The following DCLRE1C variants were observed in gnomAD, a reference collection of about 807,000 sequenced individuals.
The protein encoded by DCLRE1C is DNA cross-link repair 1C, also known as protein artemis.
A neutral mutation model predicts 61.4 loss-of-function variants in DCLRE1C; 47 were observed. The observed-to-expected ratio is 0.77, with a 90% CI of 0.61 to 0.98. DCLRE1C has a LOEUF of 0.98. DCLRE1C is among the 50% of genes least tolerant of loss of function. DCLRE1C has a pLI of 0.00. For missense variants in DCLRE1C, 858 were observed against 816.0 expected (o/e 1.05, Z -0.63); for synonymous variants, 337 against 287.6 (o/e 1.17, Z -1.74).
rs1469742135 is a variant in DCLRE1C, at chr10:14,945,112, T to G, written c.239A>C (p.Lys80Thr). Residue 80 changes from lysine (K) to threonine (T), a missense_variant, in exon 3 of 14, where the codon AAA (lysine) becomes ACA (threonine). Physicochemically the swap from Lys to Thr is moderately conservative, Grantham distance 78. Transcript: ENST00000378278. The part of the protein sequence containing the change: ...LTSPKYRFWK[K>T]RIISIEIETP... Reference sequence around the variant, plus strand: ...TAAAAAAATAAAACTTACAATTCGTTTCTTCCAAAATCTGTATTTCGGGCT... The same window carrying G: ...TAAAAAAATAAAACTTACAATTCGTGTCTTCCAAAATCTGTATTTCGGGCT... The G allele has an allele frequency of 6.2e-7, 1 of 1,611,448 alleles. No homozygotes were observed. The highest frequency in any genetic ancestry group is 8.5e-7 in the Non-Finnish European group (1 of 1,178,676).
intron 11 of DCLRE1C, among the ~76,000 whole-genome samples, chr10:14,925,694 A>G (rs1342925683): frequency 6.6e-6 from 1 of 152,246 alleles, no homozygotes; most frequent in Non-Finnish European, 1.5e-5. Context: ...AAGCCACGTT[A>G]CAGTCCTCCC....
intron 12 of DCLRE1C, 62 bp from the exon 13 acceptor site, chr10:14,919,894 T>C: frequency 4.6e-6 from 6 of 1,304,076 alleles, no homozygotes; most frequent in Non-Finnish European, 6.7e-6. Context: ...GTAGACATCA[T>C]TGATAGTATT....
chr10:14,926,657 CAAAAAAA>C (rs74328549), intron 11 of DCLRE1C, among the ~76,000 whole-genome samples, 179 bp downstream of exon 11: 1 of 64,348 alleles, frequency 1.6e-5, no homozygotes, highest in Non-Finnish European at 2.9e-5. Flanking sequence ...CTGTCTCAAC[CAAAAAAA>C]AAAAAAAAAA....
At chr10:14,897,745 T>G (rs1391798947) in exon 14 of DCLRE1C, 3 of 315,998 alleles carry the variant, frequency 9.5e-6, no homozygotes, top group African/African-American at 2.1e-5. Flanking sequence ...TAGTCATCTT[T>G]CAACAAATAC....
intron 13 of DCLRE1C, among the ~76,000 whole-genome samples, chr10:14,911,645 C>T (rs1002702853): frequency 6.6e-5 from 10 of 152,104 alleles, no homozygotes; most frequent in Admixed American, 1.3e-4. Flanking sequence ...AAAACCTTTA[C>T]GCTTCAAGAC....
intron 5 of DCLRE1C, among the ~76,000 whole-genome samples, chr10:14,935,773 A>G (rs1309386884): frequency 6.6e-6 from 1 of 152,212 alleles, no homozygotes; most frequent in African/African-American, 2.4e-5. Flanking sequence ...GATGCTACCC[A>G]GTTTGTAATA....
chr10:14,926,469 T>A (rs973498457), intron 11 of DCLRE1C, among the ~76,000 whole-genome samples: 1 of 152,002 alleles, frequency 6.6e-6, no homozygotes, highest in East Asian at 1.9e-4. Context: ...CTGGCCAATG[T>A]GGTAAAACCC....
intron 8 of DCLRE1C, 59 bp downstream of exon 8, chr10:14,934,321 C>T: frequency 1.9e-6 from 3 of 1,578,386 alleles, no homozygotes; most frequent in South Asian, 2.3e-5. Context: ...TAGCAAGACT[C>T]CCTCTCAAAA....
intron 10 of DCLRE1C, among the ~76,000 whole-genome samples, chr10:14,927,808 C>T (rs1442155532): frequency 6.6e-6 from 1 of 152,190 alleles, no homozygotes; most frequent in Non-Finnish European, 1.5e-5. Flanking sequence ...TCAACCTACC[C>T]AGAGGGAACC....
chr10:14,954,057 C>G lies in DCLRE1C; in HGVS notation c.-47G>C, dbSNP rs779470593. On this transcript the variant is annotated 5_prime_UTR_variant, in exon 1 of 14. Transcript: ENST00000378278. ...CGGGACCCCAAAACCGCAGCTGAAG[C>G]CAAGGCCAGCCCTGACCGCGCCGCC... 1 of 1,611,068 alleles carries G rather than the reference C, an allele frequency of 6.2e-7. No homozygotes were observed. Among genetic ancestry groups the G allele is most frequent in the Admixed American group, 1.7e-5 (1 of 59,884 alleles).
chr10:14,941,065 A>G (rs1217215971), intron 3 of DCLRE1C, among the ~76,000 whole-genome samples: 3 of 152,084 alleles, frequency 2.0e-5, no homozygotes, highest in Admixed American at 6.5e-5. Flanking sequence ...TGTAGCAGAG[A>G]TGGGGTTTCA....
Position 14,908,723 on chromosome 10 carries a change from G to C in DCLRE1C, c.1764C>G (p.Ala588=). Residue 588 remains alanine (A), a synonymous_variant, in exon 14 of 14, where the codon GCC becomes GCG. Coordinates refer to ENST00000378278, the MANE Select transcript of DCLRE1C (RefSeq NM_001033855.3). ...AAATTACATTTTGTTCCATGAGAGAGGCAGGAATATTCTCTTTGATTGTTG... is the reference window on the plus strand; with the variant it reads ...AAATTACATTTTGTTCCATGAGAGACGCAGGAATATTCTCTTTGATTGTTG... ...YRPTIKENIP[A]SLMEQNVICP... The C allele has an allele frequency of 6.2e-7, 1 of 1,614,194 alleles. No homozygotes were observed. Among genetic ancestry groups the C allele is most frequent in the Non-Finnish European group, 8.5e-7 (1 of 1,180,038 alleles).
At position 14,933,179 on chromosome 10, in the gene DCLRE1C, T is replaced by C. The variant is rs190799169; in HGVS notation, c.679-224A>G. Among the ~76,000 whole-genome samples the C allele has an allele frequency of 2.9e-3, 438 of 152,292 alleles. 2 individuals are homozygous for C. The highest frequency in any genetic ancestry group is 9.9e-3 in the African/African-American group (411 of 41,558). On this transcript the variant is annotated intron_variant, in intron 8 of 13. Transcript: ENST00000378278. ...TGCCATCACTGACGTCAGTGAACAA[T>C]TATGGACACTCGGCTCAGGGATGTC... is the stretch of plus-strand genomic sequence containing the variant.
intron 13 of DCLRE1C, among the ~76,000 whole-genome samples, chr10:14,917,354 G>A (rs1402435527): frequency 6.6e-6 from 1 of 151,522 alleles, no homozygotes; most frequent in African/African-American, 2.4e-5. Flanking sequence ...TCTTAGATAT[G>A]ATACAAAAAA....
At chr10:14,920,387 G>A (rs1836899043) in intron 12 of DCLRE1C, 2 of 1,013,094 alleles carry the variant, frequency 2.0e-6, no homozygotes, top group Non-Finnish European at 2.4e-6. Context: ...TACCCCTTTC[G>A]AAGGCCTCAC....
At chr10:14,936,834 G>A (rs1840012310) in intron 4 of DCLRE1C, among the ~76,000 whole-genome samples, 1 of 152,108 alleles carries the variant, frequency 6.6e-6, no homozygotes, top group African/African-American at 2.4e-5. Context: ...GAAAACCGAT[G>A]GCCACACAAA....
intron 1 of DCLRE1C, among the ~76,000 whole-genome samples, chr10:14,950,022 G>A (rs2131181436): frequency 6.6e-6 from 1 of 151,604 alleles, no homozygotes; most frequent in South Asian, 2.1e-4. Flanking sequence ...TTCGGCCTGG[G>A]CGACAGAGTG....
At position 14,935,504 on chromosome 10, in the gene DCLRE1C, T is replaced by G. The variant is rs143949881; in HGVS notation, c.423A>C (p.Gln141His). The part of the protein sequence containing the change: ...VLYTGDFRLA[Q>H]GEAARMELLH... ...GAAGCTCCATTCTAGCAGCTTCTCCTTGCGCCAATCTGAAGTCTCCTGTGT... is the reference window on the plus strand; with the variant it reads ...GAAGCTCCATTCTAGCAGCTTCTCCGTGCGCCAATCTGAAGTCTCCTGTGT... The change falls in exon 6 of 14, where the codon CAA (glutamine) becomes CAC (histidine). Residue 141 changes from glutamine (Q) to histidine (H), a missense_variant. Gln to His is a conservative substitution (Grantham distance 24). Transcript: ENST00000378278. The G allele has an allele frequency of 3.3e-5, 53 of 1,614,016 alleles. No individual in the cohort carries two copies. The highest frequency in any genetic ancestry group is 4.4e-5 in the Non-Finnish European group (52 of 1,180,004).
intron 13 of DCLRE1C, among the ~76,000 whole-genome samples, chr10:14,910,248 T>C (rs1050192167): frequency 5.9e-5 from 9 of 152,208 alleles, no homozygotes; most frequent in Admixed American, 1.3e-4. Context: ...TCTTAAAGGT[T>C]CAGTGTTATG....
Sources: allele counts gnomAD v4.1 joint callset (sites outside exome capture counted in the v4.1 genomes callset), GRCh38; gene constraint gnomAD v4.1.1; transcripts MANE v1.5; gene names NCBI Gene and HGNC (gene_info 2026-07-23, HGNC 2026-07-21).